PAX5: variants seen among roughly 807,000 people sequenced by gnomAD.
PAX5 encodes the protein paired box 5, also known as paired box protein Pax-5.
A neutral mutation model predicts 43.7 loss-of-function variants in PAX5; 9 were observed. The observed-to-expected ratio is 0.21, with a 90% CI of 0.12 to 0.36. The LOEUF is 0.36. Ranked by LOEUF, PAX5 falls within the 10% of genes least tolerant of loss-of-function variation. PAX5 has a pLI of 1.00. For synonymous variants in PAX5, 228 were observed against 214.3 expected (o/e 1.06, Z -0.56); for missense variants, 383 against 532.7 (o/e 0.72, Z 2.77).
chr9:37,030,168 C>A (rs1373091228), intron 1 of PAX5, among the ~76,000 whole-genome samples: 3 of 152,212 alleles, frequency 2.0e-5, no homozygotes, highest in Non-Finnish European at 4.4e-5. Context: ...ACCCGTCTTA[C>A]CTGTGCACCC....
rs150680270 is a variant in PAX5, at chr9:37,016,967, G to A, written c.213-1773C>T. Among the ~76,000 whole-genome samples, 1,004 of 152,154 alleles carry A rather than the reference G, an allele frequency of 6.6e-3. 10 individuals carry two copies. The highest frequency in any genetic ancestry group is 0.023 in the African/African-American group (947 of 41,494). On this transcript the variant is annotated intron_variant, in intron 2 of 9. Transcript: ENST00000358127. The stretch of plus-strand genomic sequence containing the variant: ...AGTCATTTACAAATTTTGACCATAA[G>A]GTAAAAACTCAACCTATCTTCCCTC...
chr9:36,984,518 G>T (rs1452366116), intron 5 of PAX5, among the ~76,000 whole-genome samples: 4 of 136,664 alleles, frequency 2.9e-5, no homozygotes, highest in African/African-American at 5.5e-5. Context: ...TCGGCTCACT[G>T]CAACCTCCAC....
At position 36,833,979 on chromosome 9, in the gene PAX5, A is replaced by G. The variant is rs140919873; in HGVS notation, c.*6581T>C. ...AAAGGTCAGTCCCTAAGACAAAATC[A>G]AATGTCTCAAAGAATTAAAAGCAAA... On this transcript the variant is annotated 3_prime_UTR_variant, in exon 10 of 10. Transcript: ENST00000358127. 8.6e-6 allele frequency: 2 copies of G among 233,144 alleles called. No individual in the cohort carries two copies. Among genetic ancestry groups the G allele is most frequent in the East Asian group, 1.2e-4 (2 of 16,586 alleles). The allele number at this position is 233,144 out of a possible 1,614,324, so 14.4% of individuals were successfully genotyped here.
intron 6 of PAX5, among the ~76,000 whole-genome samples, chr9:36,963,194 T>G (rs1834117010): frequency 6.6e-6 from 1 of 152,214 alleles, no homozygotes; most frequent in Non-Finnish European, 1.5e-5. Context: ...GGGTCAGTCA[T>G]TATCCTGCCA....
chr9:36,923,059 C>T, intron 7 of PAX5: 1 of 355,652 alleles, frequency 2.8e-6, no homozygotes, highest in Non-Finnish European at 5.1e-6. Context: ...GAACACTCAG[C>T]CCCACCCACG....
chr9:37,018,803 G>A lies in PAX5; in HGVS notation c.212+1833C>T, dbSNP rs73439001. ...TAACTTCCGAGTGCCACTCTACCTA[G>A]TGACAAATCTATTCCGGGTGCCGGC... On this transcript the variant is annotated intron_variant, in intron 2 of 9. Transcript: ENST00000358127. Among the ~76,000 whole-genome samples the A allele has an allele frequency of 1.3e-3, 204 of 152,252 alleles. 2 individuals are homozygous for A. Among genetic ancestry groups the A allele is most frequent in the African/African-American group, 4.6e-3 (190 of 41,542 alleles).
chr9:36,859,874 A>G (rs1257515779), intron 8 of PAX5, among the ~76,000 whole-genome samples: 3 of 151,914 alleles, frequency 2.0e-5, no homozygotes, highest in Non-Finnish European at 4.4e-5. Flanking sequence ...CTCTACTAAA[A>G]ATACAAAAAA....
At chr9:36,904,657 G>T (rs935219080) in intron 7 of PAX5, among the ~76,000 whole-genome samples, 2 of 152,096 alleles carry the variant, frequency 1.3e-5, no homozygotes, top group Non-Finnish European at 2.9e-5. Flanking sequence ...ATGCATTTGG[G>T]AAGAAATAAT....
In PAX5 at chr9:37,014,979, C is replaced by T. The variant is rs768247750; in HGVS notation, c.410+18G>A. 3.7e-6 allele frequency: 6 copies of T among 1,609,422 alleles called. No individual in the cohort carries two copies. The highest frequency in any genetic ancestry group is 1.1e-5 in the South Asian group (1 of 90,744). On this transcript the variant is annotated intron_variant, in intron 3 of 9. Coordinates refer to ENST00000358127, the MANE Select transcript of PAX5 (RefSeq NM_016734.3). ...CATCCCTCCAAATCCCCAACCCCCA[C>T]AGGCACGAGCCCCTCACCTGTTGAT...
intron 6 of PAX5, among the ~76,000 whole-genome samples, chr9:36,937,640 T>C (rs1037261884): frequency 6.6e-6 from 1 of 152,202 alleles, no homozygotes; most frequent in African/African-American, 2.4e-5. Context: ...GACATGGCCA[T>C]GCTTTCCCCG....
At chr9:36,998,002 T>C (rs915720785) in intron 5 of PAX5, among the ~76,000 whole-genome samples, 1 of 152,254 alleles carries the variant, frequency 6.6e-6, no homozygotes, top group African/African-American at 2.4e-5. Flanking sequence ...CCTTGACTCT[T>C]CTGCTCCTCA....
At chr9:36,842,754 G>T (rs1822178750) in intron 9 of PAX5, among the ~76,000 whole-genome samples, 1 of 152,144 alleles carries the variant, frequency 6.6e-6, no homozygotes, top group Non-Finnish European at 1.5e-5. Context: ...CTAATTGACC[G>T]CAGCCGGCCT....
intron 5 of PAX5, among the ~76,000 whole-genome samples, chr9:36,983,293 G>T (rs561975004): frequency 6.6e-6 from 1 of 152,246 alleles, no homozygotes; most frequent in East Asian, 1.9e-4. Flanking sequence ...TGGCAACACC[G>T]CCAGAGATAT....
intron 7 of PAX5, among the ~76,000 whole-genome samples, chr9:36,921,070 C>T (rs185281379): frequency 6.6e-6 from 1 of 152,302 alleles, no homozygotes; most frequent in African/African-American, 2.4e-5. Context: ...GCCTCGGCCT[C>T]CCAAAGTGCT....
chr9:36,907,842 T>C (rs1255276241), intron 7 of PAX5, among the ~76,000 whole-genome samples: 1 of 152,088 alleles, frequency 6.6e-6, no homozygotes, highest in African/African-American at 2.4e-5. Context: ...ACAGAATGGA[T>C]TAGGAATAGA....
intron 6 of PAX5, among the ~76,000 whole-genome samples, chr9:36,939,845 G>C (rs367587128): frequency 6.6e-6 from 1 of 152,240 alleles, no homozygotes; most frequent in South Asian, 2.1e-4. Context: ...GCTCGCGTGC[G>C]GGTGCACGCT....
In PAX5 at chr9:36,836,487, A is replaced by G. The variant is rs556040272; in HGVS notation, c.*4073T>C. On this transcript the variant is annotated 3_prime_UTR_variant, in exon 10 of 10. Coordinates refer to ENST00000358127, the MANE Select transcript of PAX5 (RefSeq NM_016734.3). ...GTGCCCAGTGGGTCAAGTTTGGCCCATGGACATTTTTCTTTAGGCCGACAG... is the reference window on the plus strand; with the variant it reads ...GTGCCCAGTGGGTCAAGTTTGGCCCGTGGACATTTTTCTTTAGGCCGACAG... 8 of 233,228 alleles carry G rather than the reference A, an allele frequency of 3.4e-5. No individual in the cohort carries two copies. The East Asian group carries it at 3.6e-4, about 11-fold the overall frequency. The allele number at this position is 233,228 out of a possible 1,614,324, so 14.4% of individuals were successfully genotyped here.
chr9:36,938,059 G>A (rs769782921), intron 6 of PAX5, among the ~76,000 whole-genome samples: 1 of 152,182 alleles, frequency 6.6e-6, no homozygotes, highest in Admixed American at 6.5e-5. Context: ...ATTTAGCTAT[G>A]ATGTGTAAGC....
chr9:36,881,827 G>T (rs890289051), intron 8 of PAX5, among the ~76,000 whole-genome samples, 177 bp downstream of exon 8: 4 of 152,088 alleles, frequency 2.6e-5, no homozygotes, highest in African/African-American at 9.7e-5. Context: ...TGGTGCCGCT[G>T]CTGGCTGGTC....
Sources: gnomAD v4.1 joint callset for allele counts (sites outside exome capture counted in the v4.1 genomes callset) on GRCh38, gnomAD v4.1.1 for gene constraint, MANE v1.5 for transcripts, NCBI Gene and HGNC (gene_info 2026-07-23, HGNC 2026-07-21) for gene names.